The following NKAIN2 variants were observed in gnomAD, a reference collection of about 807,000 sequenced individuals.
NKAIN2 encodes sodium/potassium transporting ATPase interacting 2.
A neutral mutation model predicts 32.6 loss-of-function variants in NKAIN2; 14 were observed. That is an observed-to-expected ratio of 0.43 (90% confidence interval 0.28 to 0.67). The LOEUF (loss-of-function observed/expected upper bound fraction) is 0.67, where lower values mean the gene tolerates loss of function less well. Among genes scored for constraint, NKAIN2 ranks in the 30% least tolerant of loss-of-function variants. NKAIN2 has a pLI of 0.17. For synonymous variants in NKAIN2, 80 were observed against 87.2 expected (o/e 0.92, Z 0.46); for missense variants, 198 against 258.3 (o/e 0.77, Z 1.60).
At chr6:124,515,200 T>A (rs1410913432) in intron 3 of NKAIN2, among the ~76,000 whole-genome samples, 1 of 152,100 alleles carries the variant, frequency 6.6e-6, no homozygotes, top group Non-Finnish European at 1.5e-5. Context: ...CTTTAAATCA[T>A]TCTGCCTTGG....
chr6:124,132,260 T>G (rs1786518892), intron 1 of NKAIN2, among the ~76,000 whole-genome samples: 1 of 152,032 alleles, frequency 6.6e-6, no homozygotes, highest in African/African-American at 2.4e-5. Flanking sequence ...TACAACAAGC[T>G]CTCTCCAAGG....
intron 3 of NKAIN2, among the ~76,000 whole-genome samples, chr6:124,513,421 T>C (rs1368658443): frequency 2.0e-5 from 3 of 152,152 alleles, no homozygotes; most frequent in African/African-American, 7.2e-5. Context: ...ACCTACCATT[T>C]TGTGGCAATA....
intron 3 of NKAIN2, among the ~76,000 whole-genome samples, chr6:124,612,192 A>G (rs1028198538): frequency 1.3e-5 from 2 of 151,944 alleles, no homozygotes; most frequent in African/African-American, 4.8e-5. Flanking sequence ...TGTTTTTGGA[A>G]TAGAAAAAAA....
Position 124,674,658 on chromosome 6 carries a change from T to C in NKAIN2, c.474+16272T>C, listed in dbSNP as rs1442211980. 2.0e-5 allele frequency among the ~76,000 whole-genome samples: 3 copies of C among 152,094 alleles called. No homozygotes were observed. In the East Asian group the frequency reaches 5.8e-4, roughly 29 times the overall value. Reference sequence around the variant, plus strand: ...TTTTCTTAATTTCTTTTTCAGATTATTTGCTGTTAATGTATAGAAATACAA... The same window carrying C: ...TTTTCTTAATTTCTTTTTCAGATTACTTGCTGTTAATGTATAGAAATACAA... On this transcript the variant is annotated intron_variant, in intron 4 of 6. Transcript: ENST00000368417.
intron 1 of NKAIN2, among the ~76,000 whole-genome samples, chr6:123,926,407 G>GGCAGTGTTCCCCAGATTCCCGCT (rs1008823521): frequency 2.6e-5 from 4 of 151,920 alleles, no homozygotes; most frequent in Non-Finnish European, 5.9e-5. Flanking sequence ...AGATTCCTGT[G>GGCAGTGTTCCCCAGATTCCCGCT]GCAGTGTTCC....
intron 1 of NKAIN2, among the ~76,000 whole-genome samples, chr6:123,928,158 C>A (rs940722186): frequency 6.6e-6 from 1 of 152,050 alleles, no homozygotes; most frequent in Non-Finnish European, 1.5e-5. Flanking sequence ...AAACAAAAAA[C>A]CAAATACTGC....
chr6:124,793,430 A>C (rs1024255518), intron 5 of NKAIN2, among the ~76,000 whole-genome samples: 1 of 152,152 alleles, frequency 6.6e-6, no homozygotes, highest in African/African-American at 2.4e-5. Context: ...GTTCATTGAG[A>C]TATTACCATT....
intron 3 of NKAIN2, among the ~76,000 whole-genome samples, chr6:124,512,164 G>A (rs374890540): frequency 3.9e-4 from 60 of 152,210 alleles, no homozygotes; most frequent in African/African-American, 1.3e-3. Flanking sequence ...ATCATCCTTT[G>A]GAGACTAATG....
chr6:124,425,370 A>G (rs1774936802), intron 3 of NKAIN2, among the ~76,000 whole-genome samples: 1 of 152,154 alleles, frequency 6.6e-6, no homozygotes, highest in Admixed American at 6.6e-5. Context: ...ACACTCCTAG[A>G]AGAAAATGTA....
chr6:123,805,194 T>A (rs905944851), intron 1 of NKAIN2, among the ~76,000 whole-genome samples: 2 of 152,234 alleles, frequency 1.3e-5, no homozygotes, highest in Non-Finnish European at 2.9e-5. Flanking sequence ...TCATTAAATA[T>A]ATTTCCTTAG....
At chr6:123,830,547 CT>C (rs1774337554) in intron 1 of NKAIN2, among the ~76,000 whole-genome samples, 1 of 152,172 alleles carries the variant, frequency 6.6e-6, no homozygotes, top group Admixed American at 6.5e-5. Flanking sequence ...GTAGTTTACA[CT>C]TACATATCCT....
chr6:124,717,277 G>T (rs1233653628), intron 4 of NKAIN2, among the ~76,000 whole-genome samples: 1 of 152,132 alleles, frequency 6.6e-6, no homozygotes, highest in Non-Finnish European at 1.5e-5. Context: ...TTCATAGGTT[G>T]TCACTTTATA....
intron 1 of NKAIN2, among the ~76,000 whole-genome samples, chr6:124,016,943 A>G (rs1163672213): frequency 1.3e-5 from 2 of 152,184 alleles, no homozygotes; most frequent in Admixed American, 6.5e-5. Context: ...AAGTGCCTTT[A>G]AGTTCAAGCC....
chr6:124,140,575 G>A (rs1787084505), intron 1 of NKAIN2, among the ~76,000 whole-genome samples: 2 of 152,066 alleles, frequency 1.3e-5, no homozygotes, highest in African/African-American at 4.8e-5. Context: ...GAGAATGACT[G>A]GTAACTTGTT....
chr6:124,048,705 G>A (rs1231029070), intron 1 of NKAIN2, among the ~76,000 whole-genome samples: 2 of 152,006 alleles, frequency 1.3e-5, no homozygotes, highest in Non-Finnish European at 2.9e-5. Context: ...TTTATCAATT[G>A]ATTGAAAGCA....
Position 124,486,703 on chromosome 6 carries a change from A to G in NKAIN2, c.273+131356A>G, listed in dbSNP as rs181376680. ...CTTCTTTACAGAATGCTAAAAAGGA[A>G]AGCTTATTCCTGGCTTCATCACCAT... is the stretch of plus-strand genomic sequence containing the variant. On this transcript the variant is annotated intron_variant, in intron 3 of 6. Coordinates refer to ENST00000368417, the MANE Select transcript of NKAIN2 (RefSeq NM_001040214.3). Among the ~76,000 whole-genome samples the G allele has an allele frequency of 1.1e-4, 17 of 152,228 alleles. No individual in the cohort carries two copies. In the East Asian group the frequency reaches 3.3e-3, roughly 29 times the overall value.
At chr6:124,664,663 G>A (rs1185172500) in intron 4 of NKAIN2, among the ~76,000 whole-genome samples, 4 of 148,616 alleles carry the variant, frequency 2.7e-5, no homozygotes, top group African/African-American at 7.4e-5. Flanking sequence ...GCGTAGTGGC[G>A]GGCGCCTGTA....
At chr6:124,047,432 CTT>C (rs748493192) in intron 1 of NKAIN2, among the ~76,000 whole-genome samples, 10 of 149,638 alleles carry the variant, frequency 6.7e-5, no homozygotes, top group Non-Finnish European at 1.3e-4. Flanking sequence ...GGGAAATTTA[CTT>C]TCTCTCTCTC....
chr6:124,666,641 T>G (rs1334591880), intron 4 of NKAIN2, among the ~76,000 whole-genome samples: 2 of 152,166 alleles, frequency 1.3e-5, no homozygotes, highest in Non-Finnish European at 1.5e-5. Context: ...GTTCTAAATT[T>G]TATTTCACTT....
Sources: gnomAD v4.1 joint callset for allele counts (sites outside exome capture counted in the v4.1 genomes callset) on GRCh38, gnomAD v4.1.1 for gene constraint, MANE v1.5 for transcripts, NCBI Gene and HGNC (gene_info 2026-07-23, HGNC 2026-07-21) for gene names.